SH3RF3: variants seen among roughly 807,000 people sequenced by gnomAD.
SH3RF3 encodes the protein SH3 domain containing ring finger 3.
In SH3RF3, 29 loss-of-function variants were observed where a neutral mutation model predicts 66.3. The ratio of observed to expected loss-of-function variants is 0.44; its 90% confidence interval spans 0.33 to 0.60. The LOEUF is 0.60. Ranked by LOEUF, SH3RF3 falls within the 20% of genes least tolerant of loss-of-function variation. The probability of loss-of-function intolerance (pLI) is 0.04; values close to 1 mark genes in which losing one functional copy is unlikely to be tolerated. For synonymous variants in SH3RF3, 583 were observed against 532.0 expected (o/e 1.10, Z -1.32); for missense variants, 1,194 against 1,190.9 (o/e 1.00, Z -0.04).
chr2:109,360,201 G>A (rs762277982), intron 2 of SH3RF3, among the ~76,000 whole-genome samples: 12 of 152,126 alleles, frequency 7.9e-5, no homozygotes, highest in Admixed American at 1.3e-4. Flanking sequence ...CTACTGTGCC[G>A]CTTAGTTACT....
At chr2:109,490,981 C>T (rs1299125227) in intron 9 of SH3RF3, 45 bp downstream of exon 9, 2 of 1,401,614 alleles carry the variant, frequency 1.4e-6, no homozygotes, top group African/African-American at 2.9e-5. Context: ...TGTGGTTTGG[C>T]CTCTGAGGTC....
intron 3 of SH3RF3, among the ~76,000 whole-genome samples, 182 bp downstream of exon 3, chr2:109,371,863 C>T (rs956855261): frequency 1.3e-5 from 2 of 152,206 alleles, no homozygotes; most frequent in African/African-American, 4.8e-5. Context: ...GTGCTGTGAG[C>T]ACTGCCTTGG....
At position 109,451,194 on chromosome 2, in the gene SH3RF3, G is replaced by A. The variant is rs186045275; in HGVS notation, c.2148+1705G>A. On this transcript the variant is annotated intron_variant, in intron 8 of 9. Coordinates refer to ENST00000309415, the MANE Select transcript of SH3RF3 (RefSeq NM_001099289.3). ...CTCAGGTCTGCTCCAGCCTAACAGGGCGCCTGGCATGAAGGGCAACAGCTG... is the reference window on the plus strand; with the variant it reads ...CTCAGGTCTGCTCCAGCCTAACAGGACGCCTGGCATGAAGGGCAACAGCTG... 2.1e-3 allele frequency among the ~76,000 whole-genome samples: 320 copies of A among 152,364 alleles called. 4 individuals are homozygous for A. Among genetic ancestry groups the A allele is most frequent in the Middle Eastern group, 6.8e-3 (2 of 294 alleles).
At chr2:109,220,417 T>A (rs1462347806) in intron 1 of SH3RF3, among the ~76,000 whole-genome samples, 1 of 152,088 alleles carries the variant, frequency 6.6e-6, no homozygotes, top group Non-Finnish European at 1.5e-5. Flanking sequence ...AAGAAAAAAA[T>A]ACATAATTTG....
At chr2:109,495,477 C>CTTTTTTTTTTTTTTTTTT (rs569509984) in intron 9 of SH3RF3, among the ~76,000 whole-genome samples, 3 of 94,284 alleles carry the variant, frequency 3.2e-5, no homozygotes, top group African/African-American at 9.1e-5. Context: ...TCTTTCATTC[C>CTTTTTTTTTTTTTTTTTT]TTTTTTTTTT....
chr2:109,320,656 G>A (rs751202372), intron 1 of SH3RF3, among the ~76,000 whole-genome samples: 1 of 152,200 alleles, frequency 6.6e-6, no homozygotes, highest in Non-Finnish European at 1.5e-5. Context: ...CACCCAATAT[G>A]CACAACTGTT....
intron 1 of SH3RF3, among the ~76,000 whole-genome samples, chr2:109,241,139 ACAGT>A (rs773562914): frequency 5.3e-5 from 8 of 152,378 alleles, no homozygotes; most frequent in Admixed American, 1.3e-4. Flanking sequence ...AAATTAGTCG[ACAGT>A]CAATGATGAC....
At chr2:109,302,987 C>T (rs962619928) in intron 1 of SH3RF3, among the ~76,000 whole-genome samples, 23 of 152,134 alleles carry the variant, frequency 1.5e-4, no homozygotes, top group African/African-American at 5.6e-4. Flanking sequence ...AGCGATTCTC[C>T]TGCCTCAGCC....
At chr2:109,263,183 CAT>C (rs1288385030) in intron 1 of SH3RF3, among the ~76,000 whole-genome samples, 20 of 152,174 alleles carry the variant, frequency 1.3e-4, no homozygotes, top group African/African-American at 4.6e-4. Flanking sequence ...ACGGCAGAGA[CAT>C]GTGCATTCAT....
chr2:109,166,127 G>A (rs1025255961), intron 1 of SH3RF3, among the ~76,000 whole-genome samples: 1 of 152,220 alleles, frequency 6.6e-6, no homozygotes, highest in Non-Finnish European at 1.5e-5. Context: ...CAGGCACAAA[G>A]AAGTAGTGCA....
chr2:109,432,680 A>G lies in SH3RF3; in HGVS notation c.1574+9A>G. 1 of 1,608,050 alleles carries G rather than the reference A, an allele frequency of 6.2e-7. No homozygotes were observed. The highest frequency in any genetic ancestry group is 8.5e-7 in the Non-Finnish European group (1 of 1,177,082). On this transcript the variant is annotated intron_variant, in intron 6 of 9. Transcript: ENST00000309415. ...GTGACACCCGTTTCCAGGTGAGGGC[A>G]TGGTGGTGGCAGCCTGGGCAAGGAG...
chr2:109,411,900 G>C (rs10195060), intron 4 of SH3RF3, among the ~76,000 whole-genome samples: 5,347 of 152,322 alleles, frequency 0.035, 194 homozygotes, highest in African/African-American at 0.089. Context: ...TCAAGTGTCA[G>C]CTGAAGGCCA....
chr2:109,486,197 A>G (rs1678972624), intron 8 of SH3RF3, among the ~76,000 whole-genome samples: 1 of 151,990 alleles, frequency 6.6e-6, no homozygotes, highest in Non-Finnish European at 1.5e-5. Flanking sequence ...TTGCATGACG[A>G]CCATTGGCTT....
chr2:109,453,856 A>G (rs1210885006), intron 8 of SH3RF3, among the ~76,000 whole-genome samples: 1 of 152,172 alleles, frequency 6.6e-6, no homozygotes, highest in African/African-American at 2.4e-5. Context: ...CGGGGCACAG[A>G]TGGGAGGATC....
chr2:109,139,644 A>G (rs910707350), intron 1 of SH3RF3, among the ~76,000 whole-genome samples: 1 of 152,226 alleles, frequency 6.6e-6, no homozygotes, highest in Non-Finnish European at 1.5e-5. Flanking sequence ...ACTTGTGTAC[A>G]GTAACAAGAG....
chr2:109,398,648 C>A lies in SH3RF3; in HGVS notation c.1004C>A (p.Ser335Tyr). 4.4e-6 allele frequency: 7 copies of A among 1,603,320 alleles called. No homozygotes were observed. The highest frequency in any genetic ancestry group is 6.0e-6 in the Non-Finnish European group (7 of 1,175,570). Residue 335 changes from serine (S) to tyrosine (Y), a missense_variant, in exon 4 of 10, where the codon TCC becomes TAC. Ser to Tyr is a moderately radical substitution (Grantham distance 144). Coordinates refer to ENST00000309415, the MANE Select transcript of SH3RF3 (RefSeq NM_001099289.3). ...GACAAGCCATGCCCAGCCGCTGCATCCAGCTGCAATGCCTCCCTGCCCTCT... is the reference window on the plus strand; with the variant it reads ...GACAAGCCATGCCCAGCCGCTGCATACAGCTGCAATGCCTCCCTGCCCTCT... ...EMDKPCPAAASSCNASLPSDS... is the reference protein window; with the variant it reads ...EMDKPCPAAAYSCNASLPSDS...
chr2:109,145,921 G>A (rs1677086286), intron 1 of SH3RF3, among the ~76,000 whole-genome samples: 1 of 152,172 alleles, frequency 6.6e-6, no homozygotes, highest in Admixed American at 6.5e-5. Flanking sequence ...GAGCCCGAAT[G>A]CCTGGGTTCA....
At chr2:109,202,278 C>G (rs1167413636) in intron 1 of SH3RF3, among the ~76,000 whole-genome samples, 1 of 152,166 alleles carries the variant, frequency 6.6e-6, no homozygotes, top group Non-Finnish European at 1.5e-5. Flanking sequence ...CCAGGTCCAT[C>G]TCGGCAGCGT....
intron 1 of SH3RF3, among the ~76,000 whole-genome samples, chr2:109,185,083 C>A (rs1039279582): frequency 6.6e-6 from 1 of 152,090 alleles, no homozygotes; most frequent in African/African-American, 2.4e-5. Flanking sequence ...GCTGTTACAC[C>A]GTGGAGATAG....
Sources: allele counts gnomAD v4.1 joint callset (sites outside exome capture counted in the v4.1 genomes callset), GRCh38; gene constraint gnomAD v4.1.1; transcripts MANE v1.5; gene names NCBI Gene and HGNC (gene_info 2026-07-23, HGNC 2026-07-21).